The following PIEZO1 variants were observed in gnomAD, a reference collection of about 807,000 sequenced individuals.
The protein encoded by PIEZO1 is piezo type mechanosensitive ion channel component 1 (Er blood group), also known as piezo-type mechanosensitive ion channel component 1.
A neutral mutation model predicts 297.2 loss-of-function variants in PIEZO1; 296 were observed. The observed-to-expected ratio is 1.00, with a 90% CI of 0.91 to 1.10. The LOEUF is 1.10. Ranked by LOEUF, PIEZO1 falls within the 50% of genes least tolerant of loss-of-function variation. PIEZO1 has a pLI of 0.00. For missense variants in PIEZO1, 5,018 were observed against 3,455.5 expected, an observed-to-expected ratio of 1.45 and a Z score of -11.34; for synonymous variants, 2,427 against 1,507.5, an observed-to-expected ratio of 1.61 and a Z score of -14.13.
intron 1 of PIEZO1, among the ~76,000 whole-genome samples, chr16:88,776,762 C>T (rs1308152609): frequency 1.3e-5 from 2 of 152,184 alleles, no homozygotes; most frequent in Non-Finnish European, 2.9e-5. Context: ...TGGCTCGGGG[C>T]GGGCCAGTCC....
At chr16:88,735,278 G>C (rs571857092) in intron 12 of PIEZO1, 32 bp from the exon 13 acceptor site, 3 of 1,456,558 alleles carry the variant, frequency 2.1e-6, no homozygotes, top group Admixed American at 2.0e-5. Flanking sequence ...ACAGTCAGCC[G>C]GGGGGCCCAG....
intron 22 of PIEZO1, 83 bp downstream of exon 22, chr16:88,731,623 G>C (rs1242070834): frequency 2.9e-6 from 3 of 1,044,474 alleles, no homozygotes; most frequent in Non-Finnish European, 4.3e-6. Context: ...GGGTGGACAG[G>C]AGTCTGGGGC....
chr16:88,717,230 G>C lies in PIEZO1; in HGVS notation c.6472-19C>G. 2 of 1,542,896 alleles carry C rather than the reference G, an allele frequency of 1.3e-6. No homozygotes were observed. Among genetic ancestry groups the C allele is most frequent in the Non-Finnish European group, 1.7e-6 (2 of 1,145,008 alleles). On this transcript the variant is annotated intron_variant, in intron 44 of 50. Coordinates refer to ENST00000301015, the MANE Select transcript of PIEZO1 (RefSeq NM_001142864.4). ...GGTATTTCTGGAGGGGAACGACACA[G>C]GTCATACGCTCAGCTCTGCCCTTCC...
In PIEZO1 at chr16:88,785,220, C is replaced by G. The variant is rs1217032620; in HGVS notation, c.-256G>C. On this transcript the variant is annotated 5_prime_UTR_variant, in exon 1 of 51. Transcript: ENST00000301015. Reference sequence around the variant, plus strand: ...CCGAGCTGGGCCGGACGGCGGCTCCCGCCCTCCTCCGCCCGCGGGCCTTTA... The same window carrying G: ...CCGAGCTGGGCCGGACGGCGGCTCCGGCCCTCCTCCGCCCGCGGGCCTTTA... 1 of 217,852 alleles carries G rather than the reference C, an allele frequency of 4.6e-6. No individual in the cohort carries two copies. The highest frequency in any genetic ancestry group is 2.3e-5 in the African/African-American group (1 of 43,110). The allele number at this position is 217,852 out of a possible 1,614,324, so 13.5% of individuals were successfully genotyped here.
Position 88,720,643 on chromosome 16 carries a change from C to G in PIEZO1, c.5774G>C (p.Arg1925Pro). 1 of 1,547,132 alleles carries G rather than the reference C, an allele frequency of 6.5e-7. No homozygotes were observed. The change falls in exon 40 of 51, where the codon CGG (arginine) becomes CCG (proline). Residue 1925 changes from arginine to proline, a missense_variant. By Grantham distance (103) the Arg-to-Pro change is moderately radical. Transcript: ENST00000301015. ...RSGGRVRAAG[R>P]RLQGFCLSLA... ...GGACAGGCAGAAGCCCTGCAGCCGC[C>G]GCCCGGCCGCCCTTACTCTTCCTCC...
At position 88,734,964 on chromosome 16, in the gene PIEZO1, T is replaced by A. The variant is rs750979509; in HGVS notation, c.1759A>T (p.Met587Leu). 2 of 1,550,508 alleles carry A rather than the reference T, an allele frequency of 1.3e-6. No individual in the cohort carries two copies. Among genetic ancestry groups the A allele is most frequent in the South Asian group, 2.4e-5 (2 of 84,070 alleles). The change falls in exon 14 of 51, where the codon ATG becomes TTG. Residue 587 changes from methionine (M) to leucine (L), a missense_variant. Physicochemically the swap from Met to Leu is conservative, Grantham distance 15. Coordinates refer to ENST00000301015, the MANE Select transcript of PIEZO1 (RefSeq NM_001142864.4). ...CCGGCGAAGCTGACCACGATGAACA[T>A]GCCAGCACACACATAGATCCAGTAC... The part of the protein sequence containing the change: ...AKYWIYVCAG[M>L]FIVVSFAGRL...
At chr16:88,735,077 C>A in intron 13 of PIEZO1, 24 bp from the exon 14 acceptor site, 1 of 1,550,064 alleles carries the variant, frequency 6.5e-7, no homozygotes, top group African/African-American at 1.4e-5. Context: ...CAGGGGCAGG[C>A]GATGGCATCA....
chr16:88,734,761 A>G lies in PIEZO1; in HGVS notation c.1886T>C (p.Phe629Ser). The G allele has an allele frequency of 6.5e-7, 1 of 1,550,308 alleles. No individual in the cohort carries two copies. The highest frequency in any genetic ancestry group is 1.2e-5 in the South Asian group (1 of 84,060). ...GGTGTAGGCCACCACGAGCCACCAG[A>G]AGGCCTTGAGCAGCTTCCGCCACAG... Reference protein sequence around the residue: ...YSLWRKLLKAFWWLVVAYTML... With the variant: ...YSLWRKLLKASWWLVVAYTML... Residue 629 changes from phenylalanine to serine, a missense_variant, in exon 15 of 51, where the codon TTC (phenylalanine) becomes TCC (serine). By Grantham distance (155) the Phe-to-Ser change is radical. Transcript: ENST00000301015.
intron 1 of PIEZO1, among the ~76,000 whole-genome samples, chr16:88,752,102 A>C (rs1906420050): frequency 6.6e-6 from 1 of 152,198 alleles, no homozygotes; most frequent in Non-Finnish European, 1.5e-5. Context: ...AAAACGAAGA[A>C]GTTCTAGAGA....
chr16:88,770,913 C>T (rs1159102151), intron 1 of PIEZO1, among the ~76,000 whole-genome samples: 1 of 152,222 alleles, frequency 6.6e-6, no homozygotes, highest in Non-Finnish European at 1.5e-5. Flanking sequence ...CTATAGGAAT[C>T]CGGTGGGCGG....
At position 88,720,134 on chromosome 16, in the gene PIEZO1, G is replaced by T; in HGVS notation, c.6099C>A (p.Phe2033Leu). ...LRKTVLGKLA[F>L]QVALVLAIHL... ...GGATGGCCAGCACCAGCGCCACCTG[G>T]AAGGCCAGCTTGCCCAGCACGGTCT... Residue 2033 changes from phenylalanine (F) to leucine (L), a missense_variant, in exon 42 of 51, where the codon TTC (phenylalanine) becomes TTA (leucine). By Grantham distance (22) the Phe-to-Leu change is conservative. Transcript: ENST00000301015. The T allele has an allele frequency of 6.4e-7, 1 of 1,550,432 alleles. No individual in the cohort carries two copies. Among genetic ancestry groups the T allele is most frequent in the Non-Finnish European group, 8.7e-7 (1 of 1,146,978 alleles).
chr16:88,748,103 C>G (rs916318159), intron 2 of PIEZO1, among the ~76,000 whole-genome samples: 7 of 152,338 alleles, frequency 4.6e-5, no homozygotes, highest in Non-Finnish European at 7.4e-5. Context: ...TTGGCCTCCT[C>G]TCTGCCCTCT....
At chr16:88,745,071 G>A (rs9939260) in intron 2 of PIEZO1, 3 of 131,160 alleles carry the variant, frequency 2.3e-5, no homozygotes, top group Admixed American at 7.5e-5. Context: ...CGCCCACCCC[G>A]TCACTCTCCC....
chr16:88,716,689 C>A lies in PIEZO1; in HGVS notation c.6796G>T (p.Val2266Phe), dbSNP rs546338962. ...FISQYSPEDIVTAQIEGSSGA... is the reference protein window; with the variant it reads ...FISQYSPEDIFTAQIEGSSGA... ...GAGCTGCCCTCAATCTGCGCCGTGA[C>A]GATGTCCTCAGGGCTGTACTGGCTG... The change falls in exon 47 of 51, where the codon GTC becomes TTC. Residue 2266 changes from valine (V) to phenylalanine (F), a missense_variant. Physicochemically the swap from Val to Phe is conservative, Grantham distance 50 (BLOSUM62 -1). Coordinates refer to ENST00000301015, the MANE Select transcript of PIEZO1 (RefSeq NM_001142864.4). The A allele has an allele frequency of 2.0e-5, 31 of 1,548,846 alleles. No individual in the cohort carries two copies. The highest frequency in any genetic ancestry group is 5.9e-5 in the Admixed American group (3 of 50,988).
chr16:88,760,144 C>G (rs1027461556), intron 1 of PIEZO1, among the ~76,000 whole-genome samples: 2 of 152,144 alleles, frequency 1.3e-5, no homozygotes, highest in African/African-American at 2.4e-5. Context: ...CACCTCGGAC[C>G]TCGCCGGCGG....
At position 88,732,457 on chromosome 16, in the gene PIEZO1, G is replaced by T. The variant is rs1198371683; in HGVS notation, c.2869C>A (p.Gln957Lys). 1.3e-5 allele frequency: 20 copies of T among 1,549,402 alleles called. No homozygotes were observed. The highest frequency in any genetic ancestry group is 1.7e-5 in the Non-Finnish European group (20 of 1,146,418). ...GCCTGGGCAGGCAGCGGGGCCAGCTGGTGCTGCCGGCGGTAGTGCTCCTGG... is the reference window on the plus strand; with the variant it reads ...GCCTGGGCAGGCAGCGGGGCCAGCTTGTGCTGCCGGCGGTAGTGCTCCTGG... ...RRQEHYRRQH[Q>K]LAPLPAQAVF... The change falls in exon 21 of 51, where the codon CAG becomes AAG. Residue 957 changes from glutamine (Q) to lysine (K), a missense_variant. Coordinates refer to ENST00000301015, the MANE Select transcript of PIEZO1 (RefSeq NM_001142864.4).
rs1265446286 is a variant in PIEZO1 at position 88,733,268 on chromosome 16, G to T, written c.2664+10C>A. 24 of 1,535,686 alleles carry T rather than the reference G, an allele frequency of 1.6e-5. No individual in the cohort carries two copies. Among genetic ancestry groups the T allele is most frequent in the Non-Finnish European group, 2.1e-5 (24 of 1,134,872 alleles). On this transcript the variant is annotated intron_variant, in intron 19 of 50. Coordinates refer to ENST00000301015, the MANE Select transcript of PIEZO1 (RefSeq NM_001142864.4). ...AGCTTCCTCCCGTCCCAGCCCTCGGGGGCCGGTACCTCGGTGCAGTTGCTG... is the reference window on the plus strand; with the variant it reads ...AGCTTCCTCCCGTCCCAGCCCTCGGTGGCCGGTACCTCGGTGCAGTTGCTG...
intron 22 of PIEZO1, chr16:88,731,144 C>A: frequency 6.4e-6 from 1 of 157,378 alleles, no homozygotes; most frequent in Admixed American, 6.0e-5. Flanking sequence ...TCCCAAGAGA[C>A]AGGAGAGGCG....
At chr16:88,762,900 A>G (rs747014690) in intron 1 of PIEZO1, among the ~76,000 whole-genome samples, 4 of 151,794 alleles carry the variant, frequency 2.6e-5, no homozygotes, top group Admixed American at 6.6e-5. Flanking sequence ...CTTTCCTGAG[A>G]CCCCCAGTCC....
Sources: allele counts gnomAD v4.1 joint callset (sites outside exome capture counted in the v4.1 genomes callset), GRCh38; gene constraint gnomAD v4.1.1; transcripts MANE v1.5; gene names NCBI Gene and HGNC (gene_info 2026-07-23, HGNC 2026-07-21).